PACS1: variants seen among roughly 807,000 people sequenced by gnomAD.
PACS1 encodes PACS-1.
Under a neutral mutation model 115.0 loss-of-function variants are expected in PACS1, and 24 were observed. That is an observed-to-expected ratio of 0.21 (90% CI 0.15 to 0.29). PACS1 has a LOEUF of 0.29. PACS1 is among the 10% of genes least tolerant of loss of function. The pLI, the probability that PACS1 is intolerant of heterozygous loss-of-function variation, is 1.00. For missense variants in PACS1, 838 were observed against 1,251.2 expected (o/e 0.67, Z 4.98); for synonymous variants, 453 against 504.5 (o/e 0.90, Z 1.37).
intron 1 of PACS1, among the ~76,000 whole-genome samples, chr11:66,079,363 A>T (rs1176786855): frequency 3.5e-5 from 5 of 142,604 alleles, no homozygotes; most frequent in Non-Finnish European, 6.2e-5. Context: ...AAAAAAAAAA[A>T]AGTTTAGAAC....
At chr11:66,208,894 T>A (rs1394502680) in intron 2 of PACS1, among the ~76,000 whole-genome samples, 1 of 152,214 alleles carries the variant, frequency 6.6e-6, no homozygotes, top group Non-Finnish European at 1.5e-5. Flanking sequence ...TGAATGAATT[T>A]GGAAATTCTA....
intron 13 of PACS1, 59 bp downstream of exon 13, chr11:66,230,999 C>G: frequency 6.2e-7 from 1 of 1,601,110 alleles, no homozygotes; most frequent in South Asian, 1.1e-5. Context: ...ACTTCAGGCT[C>G]TGTTTTGTTG....
At chr11:66,241,295 G>T in intron 21 of PACS1, 132 bp from the exon 22 acceptor site, 2 of 626,626 alleles carry the variant, frequency 3.2e-6, no homozygotes, top group Non-Finnish European at 5.6e-6. Context: ...GCTCTGTGTG[G>T]CTGGAGGGAA....
intron 1 of PACS1, among the ~76,000 whole-genome samples, chr11:66,148,913 G>A (rs774316174): frequency 2.0e-5 from 3 of 152,026 alleles, no homozygotes; most frequent in Non-Finnish European, 4.4e-5. Context: ...GTGACAGAGT[G>A]AGGCTCCATC....
chr11:66,230,156 A>G (rs1320837983), intron 11 of PACS1, among the ~76,000 whole-genome samples: 1 of 149,892 alleles, frequency 6.7e-6, no homozygotes. Flanking sequence ...AAAAAAAAGA[A>G]AAAAAAAAAA....
intron 1 of PACS1, among the ~76,000 whole-genome samples, chr11:66,149,885 G>C (rs557529868): frequency 6.6e-6 from 1 of 152,158 alleles, no homozygotes; most frequent in South Asian, 2.1e-4. Context: ...GAGTAGCTGG[G>C]ATTACAGGCA....
intron 10 of PACS1, among the ~76,000 whole-genome samples, chr11:66,224,679 C>T (rs1046142350): frequency 3.9e-5 from 6 of 152,122 alleles, no homozygotes; most frequent in Non-Finnish European, 8.8e-5. Context: ...TGAAGAGCCC[C>T]ATATGTCTGG....
chr11:66,081,785 C>T (rs7120326), intron 1 of PACS1, among the ~76,000 whole-genome samples: 31,681 of 152,086 alleles, frequency 0.21, 3,401 homozygotes, highest in Middle Eastern at 0.3. Flanking sequence ...GCAACTGAAC[C>T]GGTTTACAGC....
At chr11:66,232,363 C>T (rs1381752182) in intron 14 of PACS1, 87 bp downstream of exon 14, 7 of 758,036 alleles carry the variant, frequency 9.2e-6, no homozygotes, top group East Asian at 2.6e-5. Flanking sequence ...CATACTATTG[C>T]GTGGGGAGGT....
chr11:66,215,654 C>T (rs977976768), intron 4 of PACS1, among the ~76,000 whole-genome samples: 4 of 151,650 alleles, frequency 2.6e-5, no homozygotes, highest in African/African-American at 9.7e-5. Flanking sequence ...TATCCCAGCA[C>T]TTGGGAGGCC....
At chr11:66,142,653 T>A (rs979139537) in intron 1 of PACS1, among the ~76,000 whole-genome samples, 9 of 149,488 alleles carry the variant, frequency 6.0e-5, no homozygotes, top group African/African-American at 2.2e-4. Flanking sequence ...AGGAAGGAGA[T>A]AATTACGTTG....
chr11:66,105,161 C>G (rs564680481), intron 1 of PACS1, among the ~76,000 whole-genome samples: 31 of 152,224 alleles, frequency 2.0e-4, no homozygotes, highest in African/African-American at 7.2e-4. Context: ...CGGTGGCTCA[C>G]TCCTGTAATC....
intron 10 of PACS1, 45 bp downstream of exon 10, chr11:66,221,292 T>A (rs2134719348): frequency 6.6e-7 from 1 of 1,516,038 alleles, no homozygotes; most frequent in Non-Finnish European, 9.2e-7. Flanking sequence ...CCGTGGCATG[T>A]CAGGGCTCGA....
intron 1 of PACS1, among the ~76,000 whole-genome samples, chr11:66,120,208 C>T (rs1858407783): frequency 7.2e-6 from 1 of 139,712 alleles, no homozygotes; most frequent in Non-Finnish European, 1.5e-5. Context: ...AGTGCAGTGG[C>T]ACGATCTCGG....
In PACS1 at chr11:66,221,452, T is replaced by C. The variant is rs541268; in HGVS notation, c.1293+205T>C. 566,536 of 574,030 alleles carry C rather than the reference T, an allele frequency of 0.99. 279,942 individuals are homozygous for C. Among genetic ancestry groups the C allele is most frequent in the East Asian group, 1 (34,520 of 34,520 alleles). The allele number at this position is 574,030 out of a possible 1,614,324, so 35.6% of individuals were successfully genotyped here. On this transcript the variant is annotated intron_variant, in intron 10 of 23. Coordinates refer to ENST00000320580, the MANE Select transcript of PACS1 (RefSeq NM_018026.4). ...CATGAGGTCAAGAGATTGAGAGCAT[T>C]CTGGCCAACATGGTGACACCCCATC...
chr11:66,178,423 G>A (rs955531954), intron 1 of PACS1, among the ~76,000 whole-genome samples: 1 of 152,074 alleles, frequency 6.6e-6, no homozygotes, highest in Non-Finnish European at 1.5e-5. Context: ...GTATTCCATT[G>A]TATTACTACA....
At chr11:66,161,925 A>C (rs754564201) in intron 1 of PACS1, among the ~76,000 whole-genome samples, 1 of 152,160 alleles carries the variant, frequency 6.6e-6, no homozygotes, top group Non-Finnish European at 1.5e-5. Flanking sequence ...GCAAACACAC[A>C]TTATTTTAGG....
intron 1 of PACS1, among the ~76,000 whole-genome samples, chr11:66,121,761 T>A (rs1315228712): frequency 3.3e-5 from 5 of 152,186 alleles, no homozygotes; most frequent in African/African-American, 1.2e-4. Context: ...TTCAATTTTA[T>A]GAAGGCTCAG....
intron 4 of PACS1, among the ~76,000 whole-genome samples, chr11:66,215,163 A>G (rs1458395922): frequency 6.7e-6 from 1 of 150,106 alleles, no homozygotes; most frequent in Non-Finnish European, 1.5e-5. Flanking sequence ...TGATCTCCTG[A>G]CCTCATGATC....
Sources: allele counts gnomAD v4.1 joint callset (sites outside exome capture counted in the v4.1 genomes callset), GRCh38; gene constraint gnomAD v4.1.1; transcripts MANE v1.5; gene names NCBI Gene and HGNC (gene_info 2026-07-23, HGNC 2026-07-21).